The following RALGAPA1 variants were observed in gnomAD, a reference collection of about 807,000 sequenced individuals.
RALGAPA1 encodes ral GTPase-activating protein subunit alpha-1.
In RALGAPA1, 52 loss-of-function variants were observed where a neutral mutation model predicts 269.6. The observed-to-expected ratio is 0.19, with a 90% CI of 0.15 to 0.24. RALGAPA1 has a LOEUF of 0.24. Among genes scored for constraint, RALGAPA1 ranks in the 10% least tolerant of loss-of-function variants. The pLI, the probability that RALGAPA1 is intolerant of heterozygous loss-of-function variation, is 1.00. For synonymous variants in RALGAPA1, 817 were observed against 1,008.3 expected (o/e 0.81, Z 3.60); for missense variants, 1,917 against 3,013.9 (o/e 0.64, Z 8.52).
intron 31 of RALGAPA1, among the ~76,000 whole-genome samples, chr14:35,643,869 A>G (rs962669164): frequency 1.3e-5 from 2 of 152,158 alleles, no homozygotes; most frequent in Non-Finnish European, 2.9e-5. Context: ...GAATAGAATG[A>G]TGGTTACCAG....
intron 27 of RALGAPA1, among the ~76,000 whole-genome samples, chr14:35,663,833 T>C (rs1288826958): frequency 6.6e-6 from 1 of 152,006 alleles, no homozygotes; most frequent in Non-Finnish European, 1.5e-5. Context: ...CCTCGTGATC[T>C]GCCCGCCTCG....
chr14:35,737,482 C>A (rs923282760), intron 12 of RALGAPA1, among the ~76,000 whole-genome samples: 3 of 117,348 alleles, frequency 2.6e-5, no homozygotes, highest in Non-Finnish European at 3.9e-5. Context: ...CACAGTTGGG[C>A]GTGGTGGCTC....
In RALGAPA1 at chr14:35,700,802, G is replaced by C. The variant is rs965134754; in HGVS notation, c.2267-500C>G. ...AATAAAGTTTTCTAAATCACTCACA[G>C]GTCTTTCTTAGAAATTTTTAGGTAA... is the stretch of plus-strand genomic sequence containing the variant. On this transcript the variant is annotated intron_variant, in intron 16 of 41. Coordinates refer to ENST00000680220, the MANE Select transcript of RALGAPA1 (RefSeq NM_001346249.2). 1.2e-4 allele frequency among the ~76,000 whole-genome samples: 19 copies of C among 152,146 alleles called. No homozygotes were observed. In the East Asian group the frequency reaches 3.3e-3, roughly 26 times the overall value.
intron 25 of RALGAPA1, 24 bp downstream of exon 25, chr14:35,672,843 G>A (rs776335708): frequency 2.7e-6 from 4 of 1,476,420 alleles, no homozygotes; most frequent in Non-Finnish European, 3.6e-6. Context: ...CTACTTCTTA[G>A]ATGATACATA....
rs1555369707 is a variant in RALGAPA1, at chr14:35,600,234, T to TTTTC, written c.7054-4446_7054-4445insGAAA. Among the ~76,000 whole-genome samples the TTTTC allele has an allele frequency of 4.9e-4, 68 of 138,544 alleles. 1 individual carries two copies. Among genetic ancestry groups the TTTTC allele is most frequent in the African/African-American group, 1.7e-3 (60 of 35,756 alleles). The allele number at this position is 138,544 out of a possible 152,430, so 90.9% of individuals were successfully genotyped here. On this transcript the variant is annotated intron_variant, in intron 36 of 41. Coordinates refer to ENST00000680220, the MANE Select transcript of RALGAPA1 (RefSeq NM_001346249.2). ...CTTTTTTTTCTTTTTCTTTTTTTCTTTTTTTTTTTTTTTTTGAGACAGGGT... is the reference window on the plus strand; with the variant it reads ...CTTTTTTTTCTTTTTCTTTTTTTCTTTTTCTTTTTTTTTTTTTTTGAGACAGGGT...
chr14:35,766,624 C>T (rs1001834881), intron 4 of RALGAPA1: 22 of 731,170 alleles, frequency 3.0e-5, no homozygotes, highest in Non-Finnish European at 5.7e-5. Flanking sequence ...TATGCTGCAA[C>T]CAGACGAGAA....
At chr14:35,698,110 A>T (rs1183894220) in intron 17 of RALGAPA1, among the ~76,000 whole-genome samples, 4 of 152,202 alleles carry the variant, frequency 2.6e-5, no homozygotes, top group Non-Finnish European at 5.9e-5. Context: ...TCTCAACACC[A>T]TCTAAATCTT....
intron 37 of RALGAPA1, among the ~76,000 whole-genome samples, chr14:35,589,485 A>C (rs1178102610): frequency 6.6e-6 from 1 of 152,222 alleles, no homozygotes; most frequent in Non-Finnish European, 1.5e-5. Context: ...CAGTGTTTAC[A>C]TATATCAAAA....
intron 31 of RALGAPA1, among the ~76,000 whole-genome samples, chr14:35,638,754 A>C (rs1251338279): frequency 6.6e-6 from 1 of 151,838 alleles, no homozygotes; most frequent in Non-Finnish European, 1.5e-5. Context: ...GTGAAATCCT[A>C]TCTCTACTAA....
intron 1 of RALGAPA1, among the ~76,000 whole-genome samples, chr14:35,797,009 G>A (rs1170409050): frequency 1.3e-5 from 2 of 151,948 alleles, no homozygotes; most frequent in South Asian, 2.1e-4. Flanking sequence ...GGATGGTCTC[G>A]ATCTCCTGAC....
chr14:35,572,783 A>G (rs1251589320), intron 37 of RALGAPA1, 65 bp from the exon 38 acceptor site: 20 of 1,166,300 alleles, frequency 1.7e-5, no homozygotes, highest in Non-Finnish European at 2.3e-5. Flanking sequence ...ATACAGTCAC[A>G]TACAACATAA....
intron 1 of RALGAPA1, among the ~76,000 whole-genome samples, chr14:35,798,163 A>G (rs957692083): frequency 7.0e-6 from 1 of 143,700 alleles, no homozygotes; most frequent in Non-Finnish European, 1.5e-5. Context: ...GCGAGCTAAC[A>G]CGCTCGGCTT....
Position 35,803,605 on chromosome 14 carries a change from A to G in RALGAPA1, c.106+5125T>C, listed in dbSNP as rs1037573469. 5.3e-5 allele frequency among the ~76,000 whole-genome samples: 8 copies of G among 152,214 alleles called. No individual in the cohort carries two copies. The South Asian group carries it at 1.5e-3, about 28-fold the overall frequency. ...AATCTTTGCAAATCATGTGTCTCAT[A>G]CAGTATCTGTATCTAGAATATATAA... On this transcript the variant is annotated intron_variant, in intron 1 of 41. Transcript: ENST00000680220.
At chr14:35,753,988 T>G (rs1305763086) in intron 7 of RALGAPA1, among the ~76,000 whole-genome samples, 2 of 152,098 alleles carry the variant, frequency 1.3e-5, no homozygotes, top group Non-Finnish European at 2.9e-5. Flanking sequence ...CCCCACAAAA[T>G]ACTTGTTGAT....
At chr14:35,619,281 T>A (rs1488420965) in intron 35 of RALGAPA1, among the ~76,000 whole-genome samples, 2 of 152,180 alleles carry the variant, frequency 1.3e-5, no homozygotes, top group African/African-American at 2.4e-5. Context: ...TACCCCATTT[T>A]CCATGATGTG....
intron 39 of RALGAPA1, among the ~76,000 whole-genome samples, chr14:35,550,190 G>T (rs995639854): frequency 2.6e-5 from 4 of 152,150 alleles, no homozygotes; most frequent in African/African-American, 9.7e-5. Flanking sequence ...TAGAGCAGCA[G>T]GCAGCAACAT....
chr14:35,697,958 T>C (rs763261111), intron 17 of RALGAPA1, among the ~76,000 whole-genome samples: 32 of 152,232 alleles, frequency 2.1e-4, no homozygotes, highest in Non-Finnish European at 4.1e-4. Context: ...AGTAAAAGCA[T>C]CTGAAGTTGT....
chr14:35,798,034 G>A (rs1050911803), intron 1 of RALGAPA1, among the ~76,000 whole-genome samples: 5 of 151,122 alleles, frequency 3.3e-5, no homozygotes, highest in African/African-American at 1.2e-4. Flanking sequence ...CACCACATCT[G>A]CATAATTTTT....
intron 1 of RALGAPA1, among the ~76,000 whole-genome samples, chr14:35,783,881 A>G (rs1186870932): frequency 2.6e-5 from 4 of 152,194 alleles, no homozygotes; most frequent in African/African-American, 9.6e-5. Flanking sequence ...CTAACCCACT[A>G]TGATAGCTAT....
Sources: gnomAD v4.1 joint callset for allele counts (sites outside exome capture counted in the v4.1 genomes callset) on GRCh38, gnomAD v4.1.1 for gene constraint, MANE v1.5 for transcripts, NCBI Gene and HGNC (gene_info 2026-07-23, HGNC 2026-07-21) for gene names.